The following MICAL3 variants were observed in gnomAD, a reference collection of about 807,000 sequenced individuals.
The protein encoded by MICAL3 is [F-actin]-monooxygenase MICAL3.
Under a neutral mutation model 207.4 loss-of-function variants are expected in MICAL3, and 62 were observed. That is an observed-to-expected ratio of 0.30 (90% CI 0.24 to 0.37). The LOEUF (loss-of-function observed/expected upper bound fraction) is 0.37, where lower values mean the gene tolerates loss of function less well. MICAL3 is among the 10% of genes least tolerant of loss of function. MICAL3 has a pLI of 1.00. For missense variants in MICAL3, 2,368 were observed against 2,635.6 expected (o/e 0.90, Z 2.22); for synonymous variants, 1,077 against 1,069.3 (o/e 1.01, Z -0.14).
rs1218378342 is a variant in MICAL3, at chr22:17,788,536, G to T, written c.*2196C>A. The T allele has an allele frequency of 6.6e-6, 1 of 152,296 alleles. No individual in the cohort carries two copies. The highest frequency in any genetic ancestry group is 1.9e-4 in the East Asian group (1 of 5,194). The allele number at this position is 152,296 out of a possible 1,614,324, so 9.4% of individuals were successfully genotyped here. A position where few individuals can be genotyped will look rare whatever the true frequency, so the allele number is the denominator to read the frequency against. ...TTGTGGCATTCGAGGAGAGGTCTGG[G>T]AAAGGCCACGCAGGCAGTGAAGGTC... is the stretch of plus-strand genomic sequence containing the variant. On this transcript the variant is annotated 3_prime_UTR_variant, in exon 32 of 32. Coordinates refer to ENST00000441493, the MANE Select transcript of MICAL3 (RefSeq NM_015241.3).
intron 1 of MICAL3, among the ~76,000 whole-genome samples, chr22:17,988,168 C>CAA (rs1921243535): frequency 1.3e-5 from 2 of 152,206 alleles, no homozygotes; most frequent in African/African-American, 4.8e-5. Context: ...ATACTCCTGG[C>CAA]ACTTGGAAAA....
chr22:17,984,304 A>C (rs985036437), intron 1 of MICAL3, among the ~76,000 whole-genome samples: 1 of 152,198 alleles, frequency 6.6e-6, no homozygotes, highest in African/African-American at 2.4e-5. Context: ...ACATTCCCCA[A>C]CCACCTGCTG....
At position 17,826,816 on chromosome 22, in the gene MICAL3, C is replaced by T. The variant is rs367642982; in HGVS notation, c.3193+828G>A. On this transcript the variant is annotated intron_variant, in intron 22 of 31. Transcript: ENST00000441493. ...GGGTGCTCATGGTGCCACCACAAGC[C>T]GGAAACGGAGGTTGGTCTTGCCTAC... Among the ~76,000 whole-genome samples, 30 of 152,324 alleles carry T rather than the reference C, an allele frequency of 2.0e-4. No homozygotes were observed. In the South Asian group the frequency reaches 5.8e-3, roughly 29 times the overall value.
chr22:17,960,883 A>T (rs1934879524), intron 1 of MICAL3, among the ~76,000 whole-genome samples: 1 of 152,192 alleles, frequency 6.6e-6, no homozygotes, highest in Non-Finnish European at 1.5e-5. Context: ...AGGCATGGAA[A>T]GAGCACGAGC....
chr22:17,921,391 C>A (rs1300647756), intron 1 of MICAL3, among the ~76,000 whole-genome samples: 3 of 152,220 alleles, frequency 2.0e-5, no homozygotes, highest in African/African-American at 7.2e-5. Flanking sequence ...GCAACCTTAA[C>A]TTTGGCAAAT....
chr22:17,901,117 A>C (rs951991206), intron 5 of MICAL3, 120 bp from the exon 6 acceptor site: 2 of 880,742 alleles, frequency 2.3e-6, no homozygotes, highest in Non-Finnish European at 3.6e-6. Flanking sequence ...ACTGATGGGA[A>C]AGTTAGGGCA....
At chr22:17,928,801 C>G (rs1602235833) in intron 1 of MICAL3, among the ~76,000 whole-genome samples, 1 of 152,000 alleles carries the variant, frequency 6.6e-6, no homozygotes, top group East Asian at 1.9e-4. Flanking sequence ...ACCCTTAGAA[C>G]TTTTTTTTCT....
rs534379868 is a variant in MICAL3 at position 17,945,337 on chromosome 22, T to C, written c.-74-38451A>G. ...TAATGCACATGAAAATCTAAATTAA[T>C]AGGGCACCTTGGGCGCTGGCCCAGA... On this transcript the variant is annotated intron_variant, in intron 1 of 31. Transcript: ENST00000441493. Among the ~76,000 whole-genome samples, 5 of 152,272 alleles carry C rather than the reference T, an allele frequency of 3.3e-5. 1 individual carries two copies. The South Asian group carries it at 6.2e-4, about 19-fold the overall frequency.
At chr22:17,987,240 C>T (rs1224140341) in intron 1 of MICAL3, among the ~76,000 whole-genome samples, 1 of 151,864 alleles carries the variant, frequency 6.6e-6, no homozygotes, top group Non-Finnish European at 1.5e-5. Flanking sequence ...GACCCTAACT[C>T]GAAAAAAGAA....
At chr22:17,839,326 G>T (rs1923750208) in intron 20 of MICAL3, among the ~76,000 whole-genome samples, 1 of 131,030 alleles carries the variant, frequency 7.6e-6, no homozygotes, top group Admixed American at 8.1e-5. Context: ...GGCACAATCT[G>T]GCTGACGGCA....
At chr22:17,862,476 G>T (rs1926627522) in intron 19 of MICAL3, 1 of 581,868 alleles carries the variant, frequency 1.7e-6, no homozygotes, top group Non-Finnish European at 2.2e-6. Context: ...TAGCCAGGAT[G>T]GTCTCGATCT....
rs1930008221 is a variant in MICAL3, at chr22:17,887,331, A to C, written c.1996T>G (p.Ser666Ala). The C allele has an allele frequency of 6.2e-7, 1 of 1,613,366 alleles. No individual in the cohort carries two copies. The stretch of plus-strand genomic sequence containing the variant: ...GAGACTCCTCCACATACCTTGGGAG[A>C]ACGCTTCCGAGAGATGGTCTGGCCA... ...KLGQTISRKR[S>A]PKDKKEKDLD... The change falls in exon 14 of 32, where the codon TCT (serine) becomes GCT (alanine). Residue 666 changes from serine (S) to alanine (A), a missense_variant. Ser to Ala is a moderately conservative substitution (Grantham distance 99). This residue lies in a region of MICAL3 where 1,770 missense variants were observed against 1,863.2 expected (regional missense o/e 0.95). Coordinates refer to ENST00000441493, the MANE Select transcript of MICAL3 (RefSeq NM_015241.3).
Position 17,872,146 on chromosome 22 carries a change from C to T in MICAL3, c.2242-123G>A. The T allele has an allele frequency of 1.3e-5, 10 of 784,416 alleles. No homozygotes were observed. The South Asian group carries it at 1.6e-4, about 13-fold the overall frequency. 48.6% of individuals were successfully genotyped at this position (784,416 alleles called of 1,614,324 possible). On this transcript the variant is annotated intron_variant, in intron 16 of 31. Coordinates refer to ENST00000441493, the MANE Select transcript of MICAL3 (RefSeq NM_015241.3). ...ACTAAGGGGTCTGCTTTGAGACAGA[C>T]TTCTAACTGGCTACGGTCAACTGTG...
At position 17,900,970 on chromosome 22, in the gene MICAL3, T is replaced by G; in HGVS notation, c.719A>C (p.Lys240Thr). Residue 240 changes from lysine to threonine, a missense_variant, in exon 6 of 32, where the codon AAA becomes ACA. Lys to Thr is a moderately conservative substitution (Grantham distance 78). Around this residue, in one of 4 missense-constraint regions of MICAL3, gnomAD observed 400 missense variants for 547.0 expected, o/e 0.73. Transcript: ENST00000441493. This position sits in a 1 kb window ranked among gnomAD's most constrained non-coding sequence, Gnocchi z 4.0. The stretch of plus-strand genomic sequence containing the variant: ...ATTTGCCGTGATGGCGATGGCCAGT[T>G]TGCCACGGAATTCTTTCCGACGAAA... ...EGFRRKEFRG[K>T]LAIAITANFI... 6.2e-7 allele frequency: 1 copy of G among 1,614,052 alleles called. No homozygotes were observed. Among genetic ancestry groups the G allele is most frequent in the Non-Finnish European group, 8.5e-7 (1 of 1,179,890 alleles).
At chr22:17,865,467 G>A (rs796881190) in intron 18 of MICAL3, among the ~76,000 whole-genome samples, 21 of 152,354 alleles carry the variant, frequency 1.4e-4, no homozygotes, top group African/African-American at 4.8e-4. Flanking sequence ...CACAGAACTA[G>A]TGAAAGGCCC....
intron 25 of MICAL3, among the ~76,000 whole-genome samples, chr22:17,820,819 AT>A (rs1236958316): frequency 2.7e-5 from 4 of 147,870 alleles, no homozygotes; most frequent in African/African-American, 7.3e-5. Context: ...AAATTATATT[AT>A]TTTTAATATA....
At chr22:17,967,404 A>G (rs1244081353) in intron 1 of MICAL3, among the ~76,000 whole-genome samples, 1 of 151,556 alleles carries the variant, frequency 6.6e-6, no homozygotes, top group Non-Finnish European at 1.5e-5. Flanking sequence ...TCAAGCGACA[A>G]TATTTGATGA....
intron 19 of MICAL3, among the ~76,000 whole-genome samples, chr22:17,858,140 G>C (rs932881799): frequency 2.6e-5 from 4 of 152,168 alleles, no homozygotes; most frequent in African/African-American, 7.2e-5. Context: ...ATCCCCTCCC[G>C]GGCAATGAAA....
chr22:17,889,273 G>T, intron 12 of MICAL3, 43 bp from the exon 13 acceptor site: 1 of 1,455,426 alleles, frequency 6.9e-7, no homozygotes. Context: ...TAGGTTGACA[G>T]TCCTTAAACA....
Sources: gnomAD v4.1 joint callset for allele counts (sites outside exome capture counted in the v4.1 genomes callset) on GRCh38, gnomAD v4.1.1 for gene constraint, gnomAD v4.1.1 regional missense constraint, Gnocchi (gnomAD v3.1) non-coding constraint, MANE v1.5 for transcripts, NCBI Gene and HGNC (gene_info 2026-07-23, HGNC 2026-07-21) for gene names.